Variants in UGT1A10 observed in about 807,000 individuals in gnomAD.
UGT1A10 encodes the protein UDP-glucuronosyltransferase 1A10.
A neutral mutation model predicts 45.8 loss-of-function variants in UGT1A10; 49 were observed. The ratio of observed to expected loss-of-function variants is 1.07; its 90% CI spans 0.85 to 1.36. UGT1A10 has a LOEUF of 1.36. Ranked by LOEUF, UGT1A10 falls within the 40% of genes most tolerant of loss-of-function variation. The probability of loss-of-function intolerance (pLI) is 0.00; values close to 1 mark genes in which losing one functional copy is unlikely to be tolerated. For missense variants in UGT1A10, 745 were observed against 668.6 expected (o/e 1.11, Z -1.26); for synonymous variants, 284 against 249.7 (o/e 1.14, Z -1.29).
At position 233,673,580 on chromosome 2, in the gene UGT1A10, A is replaced by G. The variant is rs914512716; in HGVS notation, c.855+36203A>G. On this transcript the variant is annotated intron_variant, in intron 1 of 4. Transcript: ENST00000344644. Reference sequence around the variant, plus strand: ...TTTTTGCTATTGTGTCTTCCTGTTCAGGAATATGTATGTCTCACTATTTAT... The same window carrying G: ...TTTTTGCTATTGTGTCTTCCTGTTCGGGAATATGTATGTCTCACTATTTAT... Among the ~76,000 whole-genome samples the G allele has an allele frequency of 7.9e-5, 12 of 152,270 alleles. No individual in the cohort carries two copies. In the South Asian group the frequency reaches 2.3e-3, roughly 29 times the overall value.
intron 1 of UGT1A10, among the ~76,000 whole-genome samples, chr2:233,749,072 C>A (rs570371111): frequency 6.6e-6 from 1 of 151,796 alleles, no homozygotes; most frequent in East Asian, 1.9e-4. Flanking sequence ...GTTTCTTATT[C>A]CTTGGTGTGC....
intron 1 of UGT1A10, among the ~76,000 whole-genome samples, chr2:233,657,029 G>T (rs1383603904): frequency 1.3e-5 from 2 of 151,876 alleles, no homozygotes; most frequent in Non-Finnish European, 2.9e-5. Context: ...GAAATCCCTG[G>T]TGTCAGTTAC....
At chr2:233,716,705 A>T (rs576766862) in intron 1 of UGT1A10, among the ~76,000 whole-genome samples, 1 of 152,342 alleles carries the variant, frequency 6.6e-6, no homozygotes, top group East Asian at 1.9e-4. Flanking sequence ...TCTTAAAAAC[A>T]CTAAAGAGTT....
At chr2:233,751,309 A>G (rs1694697613) in intron 1 of UGT1A10, among the ~76,000 whole-genome samples, 1 of 151,862 alleles carries the variant, frequency 6.6e-6, no homozygotes, top group African/African-American at 2.4e-5. Context: ...ATATTTACCC[A>G]ATTTCTGTAC....
intron 1 of UGT1A10, chr2:233,681,770 C>A: frequency 1.1e-6 from 1 of 933,652 alleles, no homozygotes; most frequent in Non-Finnish European, 1.3e-6. Context: ...GCAAAGGCTA[C>A]TCATGTATTA....
chr2:233,698,522 A>G (rs1416828415), intron 1 of UGT1A10, among the ~76,000 whole-genome samples: 1 of 152,236 alleles, frequency 6.6e-6, no homozygotes, highest in Non-Finnish European at 1.5e-5. Context: ...TCGGCAATAC[A>G]TAAAGTAAAC....
At chr2:233,754,555 A>G in intron 1 of UGT1A10, 1 of 389,272 alleles carries the variant, frequency 2.6e-6, no homozygotes, top group South Asian at 1.9e-5. Flanking sequence ...CTTGGTGTCA[A>G]TGGGGAGCAA....
At chr2:233,642,279 G>C (rs1343453167) in intron 1 of UGT1A10, among the ~76,000 whole-genome samples, 2 of 152,038 alleles carry the variant, frequency 1.3e-5, no homozygotes, top group African/African-American at 4.8e-5. Context: ...CTTGTGTTTG[G>C]TCCATTCTGC....
intron 1 of UGT1A10, among the ~76,000 whole-genome samples, chr2:233,756,539 T>G (rs1346299785): frequency 6.6e-6 from 1 of 152,226 alleles, no homozygotes; most frequent in Non-Finnish European, 1.5e-5. Context: ...TTTTCTTGAC[T>G]GCTAAAACAA....
At chr2:233,705,763 A>G (rs1046936782) in intron 1 of UGT1A10, among the ~76,000 whole-genome samples, 2 of 152,212 alleles carry the variant, frequency 1.3e-5, no homozygotes, top group African/African-American at 4.8e-5. Context: ...TCAGCTGCAT[A>G]CTTTGAGTGT....
At chr2:233,752,219 T>C (rs897315678) in intron 1 of UGT1A10, 28 of 152,194 alleles carry the variant, frequency 1.8e-4, no homozygotes, top group African/African-American at 6.0e-4. Context: ...AGAAAAAATA[T>C]CTGGCATTTT....
intron 1 of UGT1A10, chr2:233,721,745 AATCTAC>A: frequency 2.3e-6 from 1 of 440,284 alleles, no homozygotes; most frequent in Non-Finnish European, 4.5e-6. Flanking sequence ...ATGATGAGAG[AATCTAC>A]ATCTAAATTG....
chr2:233,647,677 G>T (rs1450747646), intron 1 of UGT1A10, among the ~76,000 whole-genome samples: 1 of 152,168 alleles, frequency 6.6e-6, no homozygotes, highest in Non-Finnish European at 1.5e-5. Flanking sequence ...TTATTGGCAT[G>T]AACTTGTTCA....
chr2:233,720,312 A>G (rs1277563393), intron 1 of UGT1A10, among the ~76,000 whole-genome samples: 1 of 152,106 alleles, frequency 6.6e-6, no homozygotes, highest in African/African-American at 2.4e-5. Context: ...CTGGTGTATG[A>G]TGTGGGGACA....
intron 1 of UGT1A10, among the ~76,000 whole-genome samples, chr2:233,645,644 T>C (rs2073581118): frequency 6.6e-6 from 1 of 152,170 alleles, no homozygotes; most frequent in South Asian, 2.1e-4. Context: ...ATCTTAAAGC[T>C]CCAAAATGAT....
At chr2:233,734,786 A>T (rs2078566040) in intron 1 of UGT1A10, among the ~76,000 whole-genome samples, 1 of 152,216 alleles carries the variant, frequency 6.6e-6, no homozygotes, top group Non-Finnish European at 1.5e-5. Context: ...GTAGTCATTC[A>T]GGAGCAGGTT....
intron 1 of UGT1A10, chr2:233,760,840 C>T: frequency 6.2e-7 from 1 of 1,613,860 alleles, no homozygotes; most frequent in Non-Finnish European, 8.5e-7. Context: ...TGAGGCTACC[C>T]AGTGCCCCAA....
At chr2:233,766,271 G>A (rs926044962) in intron 1 of UGT1A10, among the ~76,000 whole-genome samples, 6 of 67,896 alleles carry the variant, frequency 8.8e-5, no homozygotes, top group Non-Finnish European at 1.8e-4. Context: ...GCCCGGGCTC[G>A]GTGGCCCGGG....
chr2:233,681,887 T>C, intron 1 of UGT1A10: 2 of 1,578,812 alleles, frequency 1.3e-6, no homozygotes, highest in South Asian at 1.2e-5. Context: ...CCACTTACTA[T>C]ATTATAGGAG....
Sources: gnomAD v4.1 joint callset for allele counts (sites outside exome capture counted in the v4.1 genomes callset) on GRCh38, gnomAD v4.1.1 for gene constraint, MANE v1.5 for transcripts, NCBI Gene and HGNC (gene_info 2026-07-23, HGNC 2026-07-21) for gene names.